STX2: variants seen among roughly 807,000 people sequenced by gnomAD.
The protein encoded by STX2 is syntaxin 2.
STX2 carries 27 observed loss-of-function variants against 40.6 expected under a neutral mutation model. The ratio of observed to expected loss-of-function variants is 0.66; its 90% CI spans 0.49 to 0.92. The LOEUF (loss-of-function observed/expected upper bound fraction) is 0.92. Ranked by LOEUF, STX2 falls within the 40% of genes least tolerant of loss-of-function variation. The probability of loss-of-function intolerance (pLI) is 0.00; values close to 1 mark genes in which losing one functional copy is unlikely to be tolerated. For missense variants in STX2, 328 were observed against 366.1 expected (o/e 0.90, Z 0.85); for synonymous variants, 123 against 119.1 (o/e 1.03, Z -0.22).
chr12:130,812,090 A>G, intron 4 of STX2: 1 of 241,296 alleles, frequency 4.1e-6, no homozygotes, highest in South Asian at 4.4e-5. Flanking sequence ...GAAAAAGTGC[A>G]GAGAGAAAAA....
intron 6 of STX2, among the ~76,000 whole-genome samples, chr12:130,806,139 C>T (rs1023513284): frequency 2.6e-5 from 4 of 152,208 alleles, no homozygotes; most frequent in Non-Finnish European, 5.9e-5. Flanking sequence ...TGAGGAGCCT[C>T]GCTGAGCTGT....
chr12:130,831,736 T>C (rs4759525), intron 1 of STX2, among the ~76,000 whole-genome samples: 84,815 of 152,038 alleles, frequency 0.56, 26,237 homozygotes, highest in East Asian at 0.87. Context: ...AATTACACTT[T>C]TATACCTATA....
intron 5 of STX2, among the ~76,000 whole-genome samples, chr12:130,808,317 T>C (rs1195375689): frequency 1.3e-5 from 2 of 152,020 alleles, no homozygotes; most frequent in East Asian, 3.9e-4. Flanking sequence ...CTCTTTTTTT[T>C]CCCCTTTCCT....
At chr12:130,815,939 G>A (rs960605934) in intron 3 of STX2, among the ~76,000 whole-genome samples, 3 of 152,132 alleles carry the variant, frequency 2.0e-5, no homozygotes, top group African/African-American at 7.2e-5. Context: ...TTTTAGAATA[G>A]TAAAGGGAAC....
chr12:130,819,122 C>T (rs988477031), intron 3 of STX2, among the ~76,000 whole-genome samples: 7 of 152,220 alleles, frequency 4.6e-5, no homozygotes, highest in Non-Finnish European at 8.8e-5. Flanking sequence ...ACCGGGGACC[C>T]GCCCAGGACC....
chr12:130,819,849 G>A (rs535234219), intron 3 of STX2, among the ~76,000 whole-genome samples: 10 of 147,394 alleles, frequency 6.8e-5, no homozygotes, highest in South Asian at 2.1e-4. Flanking sequence ...AGAGGTCCCC[G>A]GAAAGATCTG....
intron 1 of STX2, among the ~76,000 whole-genome samples, chr12:130,827,886 C>T (rs1275212419): frequency 2.0e-5 from 3 of 152,192 alleles, no homozygotes; most frequent in Non-Finnish European, 1.5e-5. Flanking sequence ...ACTTAGGAGG[C>T]TGAGGTGGGA....
intron 10 of STX2, among the ~76,000 whole-genome samples, chr12:130,793,124 GCCGGCTCAGTCAGTTA>G: frequency 6.6e-6 from 1 of 152,296 alleles, no homozygotes; most frequent in East Asian, 1.9e-4. Flanking sequence ...TTCCAAGACT[GCCGGCTCAGTCAGTTA>G]TACAGGGTTA....
intron 10 of STX2, among the ~76,000 whole-genome samples, chr12:130,792,581 A>T (rs1393477071): frequency 6.6e-6 from 1 of 152,156 alleles, no homozygotes; most frequent in Non-Finnish European, 1.5e-5. Context: ...CTCCCACCTC[A>T]GTGTCCCAAG....
intron 10 of STX2, among the ~76,000 whole-genome samples, chr12:130,792,533 G>C (rs1400348713): frequency 6.6e-6 from 1 of 152,152 alleles, no homozygotes; most frequent in African/African-American, 2.4e-5. Context: ...GTGCAGACAT[G>C]GCTCACTGCA....
chr12:130,793,052 A>T (rs1335933361), intron 10 of STX2, among the ~76,000 whole-genome samples: 1 of 152,162 alleles, frequency 6.6e-6, no homozygotes, highest in African/African-American at 2.4e-5. Context: ...CATCATTTTA[A>T]TTACAGTTCC....
intron 1 of STX2, among the ~76,000 whole-genome samples, chr12:130,835,079 A>C (rs1265959158): frequency 6.6e-6 from 1 of 152,240 alleles, no homozygotes; most frequent in Non-Finnish European, 1.5e-5. Flanking sequence ...GCTTGAGCTC[A>C]AGAGTTGAAG....
intron 6 of STX2, among the ~76,000 whole-genome samples, chr12:130,802,009 G>T (rs1951246782): frequency 6.6e-6 from 1 of 152,318 alleles, no homozygotes; most frequent in South Asian, 2.1e-4. Flanking sequence ...CATAGTTTGT[G>T]CCACAGAAGA....
intron 3 of STX2, among the ~76,000 whole-genome samples, chr12:130,818,185 A>AATATATATATATATAT (rs1168152790): frequency 1.2e-3 from 87 of 70,474 alleles, no homozygotes; most frequent in African/African-American, 4.5e-3. Flanking sequence ...AAAAAAAAAA[A>AATATATATATATATAT]ATATATATAT....
chr12:130,820,812 G>C (rs1952084793), intron 3 of STX2, among the ~76,000 whole-genome samples: 1 of 152,196 alleles, frequency 6.6e-6, no homozygotes, highest in Non-Finnish European at 1.5e-5. Context: ...CGGCATTAAA[G>C]GCGGCCTGTG....
At chr12:130,807,153 C>T (rs1278077844) in intron 5 of STX2, 63 bp from the exon 6 acceptor site, 2 of 1,506,824 alleles carry the variant, frequency 1.3e-6, no homozygotes, top group Non-Finnish European at 1.8e-6. Context: ...AAGTGACATG[C>T]AAGACATGCA....
At chr12:130,800,925 A>G (rs923738829) in intron 8 of STX2, among the ~76,000 whole-genome samples, 2 of 152,258 alleles carry the variant, frequency 1.3e-5, no homozygotes, top group African/African-American at 2.4e-5. Flanking sequence ...AGGCTGACCT[A>G]TGAACACTCC....
chr12:130,810,034 C>T (rs2136279265), intron 4 of STX2, among the ~76,000 whole-genome samples: 1 of 152,164 alleles, frequency 6.6e-6, no homozygotes, highest in East Asian at 1.9e-4. Context: ...ACAACAACAA[C>T]AACAACAAAA....
At chr12:130,806,685 G>A (rs1951447616) in intron 6 of STX2, among the ~76,000 whole-genome samples, 1 of 152,192 alleles carries the variant, frequency 6.6e-6, no homozygotes, top group Non-Finnish European at 1.5e-5. Context: ...CCAGGGCAGG[G>A]CGGGACTGAG....
Sources: allele counts gnomAD v4.1 joint callset (sites outside exome capture counted in the v4.1 genomes callset), GRCh38; gene constraint gnomAD v4.1.1; transcripts MANE v1.5; gene names NCBI Gene and HGNC (gene_info 2026-07-23, HGNC 2026-07-21).